MFHAS1: variants seen among roughly 807,000 people sequenced by gnomAD.
The protein encoded by MFHAS1 is multifunctional ROCO family signaling regulator 1.
In MFHAS1, 50 loss-of-function variants were observed where a neutral mutation model predicts 70.4. The ratio of observed to expected loss-of-function variants is 0.71; its 90% CI spans 0.57 to 0.90. The LOEUF (loss-of-function observed/expected upper bound fraction) is 0.90. Ranked by LOEUF, MFHAS1 falls within the 40% of genes least tolerant of loss-of-function variation. MFHAS1 has a pLI of 0.00. For missense variants in MFHAS1, 1,795 were observed against 1,347.6 expected, an observed-to-expected ratio of 1.33 and a Z score of -5.20; for synonymous variants, 952 against 620.0, an observed-to-expected ratio of 1.54 and a Z score of -7.96.
chr8:8,838,137 C>A (rs749527429), intron 1 of MFHAS1, among the ~76,000 whole-genome samples: 1 of 152,178 alleles, frequency 6.6e-6, no homozygotes, highest in African/African-American at 2.4e-5. Flanking sequence ...AAATACATTA[C>A]ACTGAGTGAA....
rs144138770 is a variant in MFHAS1 at position 8,818,186 on chromosome 8, T to C, written c.2999-20695A>G. 2.5e-3 allele frequency among the ~76,000 whole-genome samples: 345 copies of C among 138,494 alleles called. 2 individuals are homozygous for C. Among genetic ancestry groups the C allele is most frequent in the African/African-American group, 8.5e-3 (341 of 40,292 alleles). The allele number at this position is 138,494 out of a possible 152,430, so 90.9% of individuals were successfully genotyped here. A position where few individuals can be genotyped will look rare whatever the true frequency, so the allele number is the denominator to read the frequency against. On this transcript the variant is annotated intron_variant, in intron 1 of 2. Coordinates refer to ENST00000276282, the MANE Select transcript of MFHAS1 (RefSeq NM_004225.3). ...TACTTCGGGGCTGGCTCTTCTCCTT[T>C]AAAGTCAGTAGACTCAGAAGAGTTT...
Position 8,870,554 on chromosome 8 carries a change from A to T in MFHAS1, c.2998+19507T>A, listed in dbSNP as rs149004583. Among the ~76,000 whole-genome samples, 330 of 152,294 alleles carry T rather than the reference A, an allele frequency of 2.2e-3. 2 individuals are homozygous for T. The highest frequency in any genetic ancestry group is 7.3e-3 in the African/African-American group (303 of 41,540). ...AATAGTTGGGCTGCCAGTAATTTGT[A>T]CAGCCCATCACACGTCAGGGGCCCT... On this transcript the variant is annotated intron_variant, in intron 1 of 2. Coordinates refer to ENST00000276282, the MANE Select transcript of MFHAS1 (RefSeq NM_004225.3).
chr8:8,813,566 A>G (rs1461540805), intron 1 of MFHAS1, among the ~76,000 whole-genome samples: 2 of 152,224 alleles, frequency 1.3e-5, no homozygotes, highest in African/African-American at 4.8e-5. Flanking sequence ...TTTTAACAAA[A>G]AAGCTTTAAA....
At chr8:8,870,708 T>C (rs962928248) in intron 1 of MFHAS1, among the ~76,000 whole-genome samples, 2 of 152,084 alleles carry the variant, frequency 1.3e-5, no homozygotes, top group African/African-American at 4.8e-5. Flanking sequence ...TGGAGATCTT[T>C]TTCTCCTGGA....
At chr8:8,802,092 C>A (rs569078309) in intron 1 of MFHAS1, among the ~76,000 whole-genome samples, 1 of 152,340 alleles carries the variant, frequency 6.6e-6, no homozygotes, top group African/African-American at 2.4e-5. Context: ...CAGCAACTGA[C>A]ATTGAGCGAG....
At chr8:8,789,494 C>G (rs533699431) in intron 2 of MFHAS1, among the ~76,000 whole-genome samples, 2 of 152,256 alleles carry the variant, frequency 1.3e-5, no homozygotes, top group African/African-American at 4.8e-5. Flanking sequence ...ACCCAGCCCC[C>G]GAGTCCTCCC....
intron 1 of MFHAS1, among the ~76,000 whole-genome samples, chr8:8,875,009 C>G (rs1247568028): frequency 6.6e-6 from 1 of 151,842 alleles, no homozygotes; most frequent in Non-Finnish European, 1.5e-5. Flanking sequence ...AGAAAACGTT[C>G]ACATCCACTA....
chr8:8,857,329 T>G (rs552497996), intron 1 of MFHAS1, among the ~76,000 whole-genome samples: 50 of 152,366 alleles, frequency 3.3e-4, no homozygotes, highest in African/African-American at 1.1e-3. Flanking sequence ...TTCAGATTTC[T>G]GATTCCATAA....
At chr8:8,814,714 G>A (rs530849236) in intron 1 of MFHAS1, among the ~76,000 whole-genome samples, 14 of 152,222 alleles carry the variant, frequency 9.2e-5, no homozygotes, top group African/African-American at 2.2e-4. Context: ...TTTTTTAAAT[G>A]GGTAAAGTTC....
chr8:8,797,034 T>C (rs1805927799), intron 2 of MFHAS1, among the ~76,000 whole-genome samples: 2 of 151,776 alleles, frequency 1.3e-5, no homozygotes, highest in African/African-American at 4.8e-5. Context: ...TTTGGTTCCA[T>C]ATACCTGCAA....
intron 1 of MFHAS1, 39 bp from the exon 2 acceptor site, chr8:8,797,530 C>T: frequency 6.3e-7 from 1 of 1,592,416 alleles, no homozygotes; most frequent in Non-Finnish European, 8.6e-7. Flanking sequence ...GGGAGATGTG[C>T]ACTAAAAATG....
chr8:8,785,697 A>G lies in MFHAS1; in HGVS notation c.*325T>C, dbSNP rs1014285557. ...GCCACCTGTACTGTAACTATGGCTTATATGTGCACGGAAAACAAAATCCCT... is the reference window on the plus strand; with the variant it reads ...GCCACCTGTACTGTAACTATGGCTTGTATGTGCACGGAAAACAAAATCCCT... On this transcript the variant is annotated 3_prime_UTR_variant, in exon 3 of 3. Transcript: ENST00000276282. The G allele has an allele frequency of 8.1e-5, 26 of 321,812 alleles. No homozygotes were observed. The highest frequency in any genetic ancestry group is 1.7e-5 in the Non-Finnish European group (3 of 172,216). 19.9% of individuals were successfully genotyped at this position (321,812 alleles called of 1,614,324 possible).
chr8:8,866,849 A>T (rs141092437), intron 1 of MFHAS1, among the ~76,000 whole-genome samples: 2 of 152,382 alleles, frequency 1.3e-5, no homozygotes, highest in African/African-American at 4.8e-5. Context: ...ATCTGAAAAT[A>T]AAATCGTGAT....
At chr8:8,876,629 G>C (rs539823153) in intron 1 of MFHAS1, among the ~76,000 whole-genome samples, 3 of 151,716 alleles carry the variant, frequency 2.0e-5, no homozygotes, top group African/African-American at 7.3e-5. Flanking sequence ...CTCCCGCCTC[G>C]GCCTCCCAAA....
At chr8:8,795,317 A>T (rs1429823256) in intron 2 of MFHAS1, among the ~76,000 whole-genome samples, 1 of 152,232 alleles carries the variant, frequency 6.6e-6, no homozygotes, top group African/African-American at 2.4e-5. Context: ...AAATTAAAAG[A>T]GAAACAATAA....
intron 1 of MFHAS1, among the ~76,000 whole-genome samples, chr8:8,849,064 CTTTTTTTTTTTTTT>C (rs145250762): frequency 0.048 from 3,629 of 75,952 alleles, 166 homozygotes; most frequent in African/African-American, 0.15. Flanking sequence ...TCCTTTTTAC[CTTTTTTTTTTTTTT>C]TTTTTTTTTT....
intron 1 of MFHAS1, among the ~76,000 whole-genome samples, chr8:8,820,645 C>T (rs1292893126): frequency 6.6e-6 from 1 of 152,140 alleles, no homozygotes; most frequent in Non-Finnish European, 1.5e-5. Context: ...AATGAGGCTA[C>T]ACGTCCATGT....
At chr8:8,840,333 T>G (rs973539700) in intron 1 of MFHAS1, among the ~76,000 whole-genome samples, 6 of 152,170 alleles carry the variant, frequency 3.9e-5, no homozygotes, top group Non-Finnish European at 7.3e-5. Context: ...GGCACACACC[T>G]GTCGTCCCAG....
At position 8,785,254 on chromosome 8, in the gene MFHAS1, C is replaced by T. The variant is rs895858263; in HGVS notation, c.*768G>A. 6.6e-6 allele frequency: 1 copy of T among 152,144 alleles called. No homozygotes were observed. The highest frequency in any genetic ancestry group is 2.4e-5 in the African/African-American group (1 of 41,400). The allele number at this position is 152,144 out of a possible 1,614,324, so 9.4% of individuals were successfully genotyped here. On this transcript the variant is annotated 3_prime_UTR_variant, in exon 3 of 3. Transcript: ENST00000276282. ...AGCAAAGGATTTCCCACCAGCGTGCCAGATGATTTATATAGGCAGGGACCT... is the reference window on the plus strand; with the variant it reads ...AGCAAAGGATTTCCCACCAGCGTGCTAGATGATTTATATAGGCAGGGACCT...
Sources: allele counts gnomAD v4.1 joint callset (sites outside exome capture counted in the v4.1 genomes callset), GRCh38; gene constraint gnomAD v4.1.1; transcripts MANE v1.5; gene names NCBI Gene and HGNC (gene_info 2026-07-23, HGNC 2026-07-21).